The following PARD3 variants were observed in gnomAD, a reference collection of about 807,000 sequenced individuals.
PARD3 encodes the protein partitioning defective 3 homolog.
Under a neutral mutation model 155.4 loss-of-function variants are expected in PARD3, and 75 were observed. That is an observed-to-expected ratio of 0.48 (90% CI 0.40 to 0.58). The LOEUF is 0.58. Among genes scored for constraint, PARD3 ranks in the 20% least tolerant of loss-of-function variants. The pLI, the probability that PARD3 is intolerant of heterozygous loss-of-function variation, is 0.00. For synonymous variants in PARD3, 576 were observed against 610.5 expected, an observed-to-expected ratio of 0.94 and a Z score of 0.83; for missense variants, 1,642 against 1,721.7, an observed-to-expected ratio of 0.95 and a Z score of 0.82.
intron 20 of PARD3, among the ~76,000 whole-genome samples, chr10:34,312,625 C>T (rs978842994): frequency 1.3e-5 from 2 of 152,268 alleles, no homozygotes; most frequent in East Asian, 1.9e-4. Flanking sequence ...CTCTTCAAAA[C>T]TGAATAAAAC....
intron 22 of PARD3, among the ~76,000 whole-genome samples, chr10:34,198,180 T>TCTGCCC (rs1951040066): frequency 6.6e-6 from 1 of 151,732 alleles, no homozygotes; most frequent in Non-Finnish European, 1.5e-5. Flanking sequence ...AGATACTTTC[T>TCTGCCC]AGCCAATTTT....
At chr10:34,730,973 A>G (rs1490461565) in intron 1 of PARD3, among the ~76,000 whole-genome samples, 1 of 152,182 alleles carries the variant, frequency 6.6e-6, no homozygotes, top group Admixed American at 6.5e-5. Context: ...ATATAGCTCT[A>G]TTAGTGTAAG....
At chr10:34,805,003 A>G (rs566621192) in intron 1 of PARD3, among the ~76,000 whole-genome samples, 83 of 152,322 alleles carry the variant, frequency 5.4e-4, no homozygotes, top group Admixed American at 1.2e-3. Context: ...AGGCTTTTTG[A>G]AATATATAAA....
At chr10:34,297,378 A>C (rs751569369) in intron 20 of PARD3, among the ~76,000 whole-genome samples, 3 of 152,218 alleles carry the variant, frequency 2.0e-5, no homozygotes, top group Admixed American at 6.5e-5. Flanking sequence ...ATGTGTGATA[A>C]CTGGCACTAT....
chr10:34,728,605 T>C (rs1472580756), intron 1 of PARD3, among the ~76,000 whole-genome samples: 1 of 152,192 alleles, frequency 6.6e-6, no homozygotes, highest in Non-Finnish European at 1.5e-5. Context: ...CCAGTAAATA[T>C]GTCACATTGT....
intron 22 of PARD3, among the ~76,000 whole-genome samples, chr10:34,229,654 G>T (rs1375311397): frequency 8.9e-6 from 1 of 111,834 alleles, no homozygotes; most frequent in Admixed American, 9.0e-5. Context: ...TTCTCTAGTT[G>T]AGGGTGCGTG....
intron 22 of PARD3, among the ~76,000 whole-genome samples, chr10:34,197,740 AT>A: frequency 6.6e-6 from 1 of 152,196 alleles, no homozygotes; most frequent in Non-Finnish European, 1.5e-5. Flanking sequence ...TTATTTATTT[AT>A]TTATTTTGAG....
chr10:34,316,298 C>A (rs1347671819), intron 20 of PARD3, among the ~76,000 whole-genome samples: 1 of 152,120 alleles, frequency 6.6e-6, no homozygotes, highest in Non-Finnish European at 1.5e-5. Context: ...TATTATAAAT[C>A]ATCTTAGATG....
intron 16 of PARD3, among the ~76,000 whole-genome samples, chr10:34,339,129 A>G (rs1472915283): frequency 6.6e-6 from 1 of 152,202 alleles, no homozygotes; most frequent in Non-Finnish European, 1.5e-5. Flanking sequence ...AGCAAACTCT[A>G]AATAATATAT....
intron 2 of PARD3, among the ~76,000 whole-genome samples, chr10:34,653,545 C>T (rs754434670): frequency 4.6e-5 from 7 of 152,004 alleles, no homozygotes; most frequent in African/African-American, 7.3e-5. Flanking sequence ...CACGAGATAC[C>T]ACATGAACCA....
In PARD3 at chr10:34,133,871, A is replaced by C. The variant is rs1947746998; in HGVS notation, c.3420-2288T>G. On this transcript the variant is annotated intron_variant, in intron 22 of 24. Transcript: ENST00000374788. ...TATTGGGAGGGGCCCCTGTACCTTC[A>C]TGTATCAATTTCACTAGAGCTTCTA... is the stretch of plus-strand genomic sequence containing the variant. 2.0e-5 allele frequency among the ~76,000 whole-genome samples: 3 copies of C among 152,320 alleles called. No individual in the cohort carries two copies. The South Asian group carries it at 6.2e-4, about 32-fold the overall frequency.
intron 2 of PARD3, among the ~76,000 whole-genome samples, chr10:34,668,036 A>G (rs2093531039): frequency 1.3e-5 from 2 of 152,204 alleles, no homozygotes; most frequent in Non-Finnish European, 2.9e-5. Flanking sequence ...GAGGATGGAT[A>G]CGGATTGTCC....
intron 3 of PARD3, among the ~76,000 whole-genome samples, chr10:34,507,291 A>C (rs576224949): frequency 6.0e-4 from 92 of 152,284 alleles, no homozygotes; most frequent in Non-Finnish European, 1.1e-3. Context: ...AATTTCTTAA[A>C]TGCTCATCTT....
At chr10:34,261,830 A>C (rs1271708672) in intron 22 of PARD3, among the ~76,000 whole-genome samples, 1 of 143,424 alleles carries the variant, frequency 7.0e-6, no homozygotes, top group Non-Finnish European at 1.6e-5. Flanking sequence ...AGAAAGAAAC[A>C]AACAAACAAA....
chr10:34,403,142 T>TC (rs1844077649), intron 5 of PARD3, among the ~76,000 whole-genome samples: 2 of 152,176 alleles, frequency 1.3e-5, no homozygotes, highest in Non-Finnish European at 2.9e-5. Flanking sequence ...GGTAATATGT[T>TC]CCCCAAATGC....
At chr10:34,733,929 C>T (rs920263507) in intron 1 of PARD3, among the ~76,000 whole-genome samples, 3 of 148,056 alleles carry the variant, frequency 2.0e-5, no homozygotes, top group African/African-American at 7.5e-5. Context: ...TATGCTTCTG[C>T]GAAAGTAAAA....
chr10:34,149,686 T>G (rs1028945125), intron 22 of PARD3, among the ~76,000 whole-genome samples: 2 of 152,156 alleles, frequency 1.3e-5, no homozygotes, highest in Non-Finnish European at 2.9e-5. Flanking sequence ...CTCAAACAAG[T>G]CTTTGTTTGA....
intron 2 of PARD3, among the ~76,000 whole-genome samples, chr10:34,567,989 G>C (rs1013129522): frequency 6.6e-6 from 1 of 151,276 alleles, no homozygotes; most frequent in African/African-American, 2.5e-5. Context: ...GATAATGACT[G>C]CTCATGGGCA....
At chr10:34,806,459 G>A (rs1843397637) in intron 1 of PARD3, among the ~76,000 whole-genome samples, 1 of 152,086 alleles carries the variant, frequency 6.6e-6, no homozygotes. Flanking sequence ...AAAGTACTGG[G>A]ATTACAGGCG....
Sources: gnomAD v4.1 joint callset for allele counts (sites outside exome capture counted in the v4.1 genomes callset) on GRCh38, gnomAD v4.1.1 for gene constraint, MANE v1.5 for transcripts, NCBI Gene and HGNC (gene_info 2026-07-23, HGNC 2026-07-21) for gene names.